Variants in MAN2C1 observed in about 807,000 individuals in gnomAD.
MAN2C1 encodes mannosidase alpha class 2C member 1, also known as alpha-mannosidase 2C1.
Under a neutral mutation model 126.9 loss-of-function variants are expected in MAN2C1, and 111 were observed. That is an observed-to-expected ratio of 0.87 (90% confidence interval 0.75 to 1.02). MAN2C1 has a LOEUF of 1.02. Among genes scored for constraint, MAN2C1 ranks in the 50% least tolerant of loss-of-function variants. MAN2C1 has a pLI of 0.00. For missense variants in MAN2C1, 1,363 were observed against 1,364.4 expected (o/e 1.00, Z 0.02); for synonymous variants, 567 against 561.5 (o/e 1.01, Z -0.14).
At chr15:75,360,717 A>G (rs1484531150) in intron 12 of MAN2C1, 29 bp from the exon 13 acceptor site, 2 of 1,609,676 alleles carry the variant, frequency 1.2e-6, no homozygotes, top group African/African-American at 2.7e-5. Context: ...TAGGTCTCCC[A>G]GCCTTGGAGA....
Position 75,362,384 on chromosome 15 carries a change from G to A in MAN2C1, c.967C>T (p.Arg323Cys), listed in dbSNP as rs200595616. Reference sequence around the variant, plus strand: ...CCCCCCACAGGCACAAACTGCCCACGGCACGCAAACTCCTGGATGCGGGAG... The same window carrying A: ...CCCCCCACAGGCACAAACTGCCCACAGCACGCAAACTCCTGGATGCGGGAG... Reference protein sequence around the residue: ...LYSRIQEFACRGQFVPVGGTW... With the variant: ...LYSRIQEFACCGQFVPVGGTW... The change falls in exon 8 of 26, where the codon CGT (arginine) becomes TGT (cysteine). Residue 323 changes from arginine to cysteine, a missense_variant. Arg to Cys is a radical substitution (Grantham distance 180). Around this residue, in one of 3 missense-constraint regions of MAN2C1, gnomAD observed 628 missense variants for 609.8 expected, o/e 1.03. Transcript: ENST00000267978. This position sits in a 1 kb window ranked among gnomAD's most constrained non-coding sequence, Gnocchi z 4.5. 3.8e-5 allele frequency: 61 copies of A among 1,613,940 alleles called. No homozygotes were observed. The highest frequency in any genetic ancestry group is 4.7e-5 in the Non-Finnish European group (55 of 1,180,012).
In MAN2C1 at chr15:75,362,603, C is replaced by T. The variant is rs1441449454; in HGVS notation, c.897+39G>A. On this transcript the variant is annotated intron_variant, in intron 7 of 25. Coordinates refer to ENST00000267978, the MANE Select transcript of MAN2C1 (RefSeq NM_006715.4). The surrounding 1 kb of genome is among the most constrained non-coding windows in gnomAD (Gnocchi z 4.5). The stretch of plus-strand genomic sequence containing the variant: ...AGGGCCTGTGGAGCTCCAGGGAGGG[C>T]CACGTGCTTCCCTCCTCCCTCACAG... 6.3e-7 allele frequency: 1 copy of T among 1,594,406 alleles called. No individual in the cohort carries two copies. Among genetic ancestry groups the T allele is most frequent in the Non-Finnish European group, 8.6e-7 (1 of 1,163,380 alleles).
In MAN2C1 at chr15:75,364,561, G is replaced by A; in HGVS notation, c.527C>T (p.Ala176Val). 6.2e-7 allele frequency: 1 copy of A among 1,611,736 alleles called. No individual in the cohort carries two copies. The highest frequency in any genetic ancestry group is 2.2e-5 in the East Asian group (1 of 44,764). The change falls in exon 5 of 26, where the codon GCT (alanine) becomes GTT (valine). Residue 176 changes from alanine (A) to valine (V), a missense_variant. Ala to Val is a moderately conservative substitution (Grantham distance 64). Around this residue, in one of 3 missense-constraint regions of MAN2C1, gnomAD observed 628 missense variants for 609.8 expected, o/e 1.03. Transcript: ENST00000267978. Reference sequence around the variant, plus strand: ...ATCCCGGTGGAACACAGCTAGCTCAGCCCGGCTCAGCTGGAACATCTTCTC... The same window carrying A: ...ATCCCGGTGGAACACAGCTAGCTCAACCCGGCTCAGCTGGAACATCTTCTC... ...DPEKMFQLSR[A>V]ELAVFHRDVH... is the part of the protein sequence containing the mutation.
At position 75,361,617 on chromosome 15, in the gene MAN2C1, A is replaced by G; in HGVS notation, c.1205T>C (p.Val402Ala). The change falls in exon 10 of 26, where the codon GTG (valine) becomes GCG (alanine). Residue 402 changes from valine to alanine, a missense_variant. Val to Ala is a moderately conservative substitution (Grantham distance 64, BLOSUM62 0). Coordinates refer to ENST00000267978, the MANE Select transcript of MAN2C1 (RefSeq NM_006715.4). The surrounding 1 kb of genome is among the most constrained non-coding windows in gnomAD (Gnocchi z 5.0). The stretch of plus-strand genomic sequence containing the variant: ...GGGCCTGCTTACTGGGAAGGAGTTC[A>G]CCAAATTCCAGCTCAATTTCTGGGT... The part of the protein sequence containing the change: ...FLTQKLSWNL[V>A]NSFPHHTFFW... The G allele has an allele frequency of 6.2e-7, 1 of 1,613,700 alleles. No homozygotes were observed. The highest frequency in any genetic ancestry group is 8.5e-7 in the Non-Finnish European group (1 of 1,179,782).
intron 13 of MAN2C1, 164 bp from the exon 14 acceptor site, chr15:75,360,375 C>T (rs2072442505): frequency 7.7e-7 from 1 of 1,299,092 alleles, no homozygotes. Context: ...CTCCCCGCAG[C>T]CCAAACCCTT....
Position 75,362,692 on chromosome 15 carries a change from C to T in MAN2C1, c.847G>A (p.Ala283Thr), listed in dbSNP as rs763563920. Residue 283 changes from alanine to threonine, a missense_variant, in exon 7 of 26, where the codon GCC becomes ACC. By Grantham distance (58) the Ala-to-Thr change is moderately conservative. This residue lies in a region of MAN2C1 where 628 missense variants were observed against 609.8 expected (regional missense o/e 1.03). Transcript: ENST00000267978. This position sits in a 1 kb window ranked among gnomAD's most constrained non-coding sequence, Gnocchi z 4.5. ...VRKCARSWVT[A>T]LQLMERNPEF... is the part of the protein sequence containing the mutation. ...GGGTTCCGCTCCATGAGCTGCAGGG[C>T]GGTCACCCAGCTCCGGGCACATTTC... The T allele has an allele frequency of 1.2e-5, 20 of 1,614,004 alleles. No homozygotes were observed. The highest frequency in any genetic ancestry group is 2.2e-5 in the East Asian group (1 of 44,896).
chr15:75,364,907 CGCT>C, intron 4 of MAN2C1, among the ~76,000 whole-genome samples: 1 of 152,358 alleles, frequency 6.6e-6, no homozygotes, highest in East Asian at 1.9e-4. Flanking sequence ...ATGTAAAGTA[CGCT>C]GCTGTTTAGT....
Position 75,359,343 on chromosome 15 carries a change from C to CA in MAN2C1, c.2030dup (p.Phe678ValfsTer7). 1 of 1,596,136 alleles carries CA rather than the reference C, an allele frequency of 6.3e-7. No homozygotes were observed. The highest frequency in any genetic ancestry group is 8.5e-7 in the Non-Finnish European group (1 of 1,170,990). On this transcript the variant is annotated frameshift_variant, in exon 17 of 26. Coordinates refer to ENST00000267978, the MANE Select transcript of MAN2C1 (RefSeq NM_006715.4). LOFTEE classifies it high-confidence loss of function. ...CAGGACTCACCTCTTGCACTACGAA[C>CA]ACAGGCTGCTGGGGCAGCAGGGGCT...
chr15:75,368,049 G>A (rs375792009), intron 2 of MAN2C1, 24 bp downstream of exon 2: 11 of 1,592,248 alleles, frequency 6.9e-6, no homozygotes, highest in African/African-American at 2.7e-5. Flanking sequence ...CTGTGGCCCC[G>A]CCCACCCGCT....
In MAN2C1 at chr15:75,358,698, C is replaced by CCATACCACATGCTGCCCAGCT. The variant is rs11283893; in HGVS notation, c.2246+5_2246+6insAGCTGGGCAGCATGTGGTATG. On this transcript the variant is annotated splice_donor_region_variant and intron_variant, in intron 19 of 25. Coordinates refer to ENST00000267978, the MANE Select transcript of MAN2C1 (RefSeq NM_006715.4). ...CCACCATCCCCACATGCTGCCCAGCCTATACCGTGTCTCCAGGTGGTAGTC... is the reference window on the plus strand; with the variant it reads ...CCACCATCCCCACATGCTGCCCAGCCCATACCACATGCTGCCCAGCTTATACCGTGTCTCCAGGTGGTAGTC... 1.9e-6 allele frequency: 3 copies of CCATACCACATGCTGCCCAGCT among 1,613,816 alleles called. No homozygotes were observed. Among genetic ancestry groups the CCATACCACATGCTGCCCAGCT allele is most frequent in the South Asian group, 1.1e-5 (1 of 91,064 alleles).
chr15:75,361,799 C>T lies in MAN2C1; in HGVS notation c.1101+56G>A. 6.3e-7 allele frequency: 1 copy of T among 1,597,826 alleles called. No individual in the cohort carries two copies. On this transcript the variant is annotated intron_variant, in intron 9 of 25. Transcript: ENST00000267978. This position sits in a 1 kb window ranked among gnomAD's most constrained non-coding sequence, Gnocchi z 5.0. The stretch of plus-strand genomic sequence containing the variant: ...CCCCAGCCTCAGCCCCTCAGCACTC[C>T]AAGTCGAGCGCCAGCCCCACTCGCC...
chr15:75,356,897 C>G lies in MAN2C1; in HGVS notation c.2553G>C (p.Trp851Cys). 6.2e-7 allele frequency: 1 copy of G among 1,613,944 alleles called. No individual in the cohort carries two copies. The highest frequency in any genetic ancestry group is 8.5e-7 in the Non-Finnish European group (1 of 1,179,934). ...TSWDWARFEV[W>C]AHRWMDLSEH... ...CTGACAGATCCATCCAGCGATGGGC[C>G]CACACCTGGAGGGCAGATCCAAGAC... The change falls in exon 22 of 26, where the codon TGG becomes TGC. Residue 851 changes from tryptophan (W) to cysteine (C), a missense_variant. Transcript: ENST00000267978. The surrounding 1 kb of genome is among the most constrained non-coding windows in gnomAD (Gnocchi z 5.8).
rs2072599460 is a variant in MAN2C1 at position 75,367,519 on chromosome 15, GTTCTCCATCACGCCACACCAGACC to G, written c.319_342del (p.Gly107_Glu114del). 3.1e-6 allele frequency: 5 copies of G among 1,614,030 alleles called. No homozygotes were observed. Among genetic ancestry groups the G allele is most frequent in the South Asian group, 1.1e-5 (1 of 91,078 alleles). ...AGGACAGGGTTCCTCACCTGGACAG[GTTCTCCATCACGCCACACCAGACC>G]TTCTCCATCACTTTCCCAGCAAAGG... On this transcript the variant is annotated inframe_deletion, in exon 3 of 26. Transcript: ENST00000267978.
In MAN2C1 at chr15:75,358,529, G is replaced by T. The variant is rs772804382; in HGVS notation, c.2336C>A (p.Pro779His). Reference protein sequence around the residue: ...GSAWFLLQISPNSRLSQEVVL... With the variant: ...GSAWFLLQISHNSRLSQEVVL... Reference sequence around the variant, plus strand: ...AACCTCCTGGCTAAGCCGACTGTTGGGGCTGATCTGTAGCAAGAACCAGGC... The same window carrying T: ...AACCTCCTGGCTAAGCCGACTGTTGTGGCTGATCTGTAGCAAGAACCAGGC... Residue 779 changes from proline (P) to histidine (H), a missense_variant, in exon 20 of 26, where the codon CCC becomes CAC. Transcript: ENST00000267978. The T allele has an allele frequency of 1.5e-5, 25 of 1,613,350 alleles. No individual in the cohort carries two copies. Among genetic ancestry groups the T allele is most frequent in the Non-Finnish European group, 2.1e-5 (25 of 1,180,022 alleles).
rs1295930503 is a variant in MAN2C1 at position 75,358,498 on chromosome 15, C to T, written c.2367G>A (p.Leu789=). The change falls in exon 20 of 26, where the codon CTG becomes CTA. Residue 789 remains leucine (L), a synonymous_variant. Coordinates refer to ENST00000267978, the MANE Select transcript of MAN2C1 (RefSeq NM_006715.4). ...AGCGGACATAGGGGCAGCCAACGTC[C>T]AGCACAACCTCCTGGCTAAGCCGAC... is the stretch of plus-strand genomic sequence containing the variant. ...PNSRLSQEVV[L]DVGCPYVRFH... is the part of the protein sequence containing the mutation. 3.7e-6 allele frequency: 6 copies of T among 1,613,420 alleles called. No individual in the cohort carries two copies. Among genetic ancestry groups the T allele is most frequent in the Admixed American group, 1.7e-5 (1 of 60,014 alleles).
At position 75,359,130 on chromosome 15, in the gene MAN2C1, G is replaced by T; in HGVS notation, c.2070C>A (p.Asp690Glu). 1 of 1,613,996 alleles carries T rather than the reference G, an allele frequency of 6.2e-7. No homozygotes were observed. Among genetic ancestry groups the T allele is most frequent in the East Asian group, 2.2e-5 (1 of 44,886 alleles). The change falls in exon 18 of 26, where the codon GAC (aspartate) becomes GAA (glutamate). Residue 690 changes from aspartate to glutamate, a missense_variant. Physicochemically the swap from Asp to Glu is conservative, Grantham distance 45. This residue lies in a region of MAN2C1 where 668 missense variants were observed against 650.1 expected (regional missense o/e 1.03). Coordinates refer to ENST00000267978, the MANE Select transcript of MAN2C1 (RefSeq NM_006715.4). Reference sequence around the variant, plus strand: ...CCAGCTTCACTCGGATGATGCCATTGTCCAGAGTCACGGAGCCATCAGTCT... The same window carrying T: ...CCAGCTTCACTCGGATGATGCCATTTTCCAGAGTCACGGAGCCATCAGTCT... ...VQETDGSVTLDNGIIRVKLDP... is the reference protein window; with the variant it reads ...VQETDGSVTLENGIIRVKLDP...
chr15:75,365,193 C>T (rs1006846928), intron 4 of MAN2C1, among the ~76,000 whole-genome samples: 1 of 152,158 alleles, frequency 6.6e-6, no homozygotes, highest in African/African-American at 2.4e-5. Context: ...GTGGAGTACC[C>T]AGGATTTCCT....
At position 75,356,809 on chromosome 15, in the gene MAN2C1, T is replaced by C; in HGVS notation, c.2641A>G (p.Ile881Val). The stretch of plus-strand genomic sequence containing the variant: ...CCCACTTACAGCGAGAGGCTGAGGA[T>C]GCTGCCTCGCACTGACGCGCCATAC... ...CKYGASVRGSILSLSLLRAPK... is the reference protein window; with the variant it reads ...CKYGASVRGSVLSLSLLRAPK... The change falls in exon 22 of 26, where the codon ATC (isoleucine) becomes GTC (valine). Residue 881 changes from isoleucine (I) to valine (V), a missense_variant. By Grantham distance (29) the Ile-to-Val change is conservative. Around this residue, in one of 3 missense-constraint regions of MAN2C1, gnomAD observed 668 missense variants for 650.1 expected, o/e 1.03. Coordinates refer to ENST00000267978, the MANE Select transcript of MAN2C1 (RefSeq NM_006715.4). This position sits in a 1 kb window ranked among gnomAD's most constrained non-coding sequence, Gnocchi z 5.8. The C allele has an allele frequency of 1.2e-6, 2 of 1,614,098 alleles. No individual in the cohort carries two copies. Among genetic ancestry groups the C allele is most frequent in the South Asian group, 1.1e-5 (1 of 91,088 alleles).
rs768102158 is a variant in MAN2C1 at position 75,368,593 on chromosome 15, C to T, written c.-10G>A. 8 of 1,535,134 alleles carry T rather than the reference C, an allele frequency of 5.2e-6. No individual in the cohort carries two copies. In the South Asian group the frequency reaches 9.6e-5, roughly 18 times the overall value. ...CCGGCGCAGCCGCCATCGCCGGGCTCTCGCTCCTCTTTCCGGAAGGCCCCT... is the reference window on the plus strand; with the variant it reads ...CCGGCGCAGCCGCCATCGCCGGGCTTTCGCTCCTCTTTCCGGAAGGCCCCT... On this transcript the variant is annotated 5_prime_UTR_variant, in exon 1 of 26. Coordinates refer to ENST00000267978, the MANE Select transcript of MAN2C1 (RefSeq NM_006715.4).
Sources: gnomAD v4.1 joint callset for allele counts (sites outside exome capture counted in the v4.1 genomes callset) on GRCh38, gnomAD v4.1.1 for gene constraint, gnomAD v4.1.1 regional missense constraint, Gnocchi (gnomAD v3.1) non-coding constraint, MANE v1.5 for transcripts, NCBI Gene and HGNC (gene_info 2026-07-23, HGNC 2026-07-21) for gene names.